Variants in IQSEC3 observed in about 807,000 individuals in gnomAD.
The protein encoded by IQSEC3 is IQ motif and Sec7 domain ArfGEF 3.
IQSEC3 carries 50 observed loss-of-function variants against 105.4 expected under a neutral mutation model. The observed-to-expected ratio is 0.47, with a 90% CI of 0.38 to 0.60. The LOEUF (loss-of-function observed/expected upper bound fraction) is 0.60, where lower values mean the gene tolerates loss of function less well. Ranked by LOEUF, IQSEC3 falls within the 20% of genes least tolerant of loss-of-function variation. The pLI is 0.00. For synonymous variants in IQSEC3, 708 were observed against 746.0 expected (o/e 0.95, Z 0.83); for missense variants, 1,415 against 1,630.0 (o/e 0.87, Z 2.27).
At chr12:71,776 G>C (rs1416309898) in intron 1 of IQSEC3, among the ~76,000 whole-genome samples, 2 of 152,278 alleles carry the variant, frequency 1.3e-5, no homozygotes. Context: ...CCTGGTTGCT[G>C]AGGTGGCATC....
intron 13 of IQSEC3, chr12:171,366 C>G (rs781858961): frequency 1.3e-6 from 2 of 1,556,774 alleles, no homozygotes; most frequent in African/African-American, 2.7e-5. Flanking sequence ...GCCACGAGCT[C>G]TTTCTCCCCT....
intron 2 of IQSEC3, among the ~76,000 whole-genome samples, chr12:117,791 C>T (rs571720399): frequency 3.1e-4 from 47 of 152,324 alleles, no homozygotes; most frequent in Admixed American, 1.3e-4. Flanking sequence ...TTACAGCCAG[C>T]GAGGTCAGGG....
chr12:165,538 G>C lies in IQSEC3; in HGVS notation c.2809+5G>C. ...TCCAGCTCTTTGAGAACGAGTGTAA[G>C]TCTTTGACAGCCAGTGTAAGTCTTT... On this transcript the variant is annotated splice_donor_5th_base_variant and intron_variant, in intron 10 of 13. Transcript: ENST00000538872. 6.2e-7 allele frequency: 1 copy of C among 1,612,028 alleles called. No homozygotes were observed. The highest frequency in any genetic ancestry group is 8.5e-7 in the Non-Finnish European group (1 of 1,178,074).
chr12:148,469 G>C (rs1376175160), intron 5 of IQSEC3: 13 of 152,142 alleles, frequency 8.5e-5, no homozygotes, highest in Admixed American at 8.5e-4. Context: ...AGTTCTTTGG[G>C]TACCTGAGTC....
intron 2 of IQSEC3, among the ~76,000 whole-genome samples, chr12:112,530 G>A (rs868927140): frequency 5.3e-5 from 8 of 152,292 alleles, no homozygotes; most frequent in South Asian, 2.1e-4. Context: ...GAGGGGAAGG[G>A]CAGACCCAGG....
intron 3 of IQSEC3, among the ~76,000 whole-genome samples, chr12:129,011 C>T (rs1216187632): frequency 1.3e-5 from 2 of 152,200 alleles, no homozygotes; most frequent in African/African-American, 4.8e-5. Flanking sequence ...GGCTTTGTTT[C>T]CTCTCCTGGG....
chr12:105,210 GTTCT>G (rs1436365571), intron 2 of IQSEC3, among the ~76,000 whole-genome samples: 1 of 152,278 alleles, frequency 6.6e-6, no homozygotes, highest in Non-Finnish European at 1.5e-5. Context: ...TAAAGGAAGT[GTTCT>G]TTGTCTCCTT....
intron 9 of IQSEC3, among the ~76,000 whole-genome samples, chr12:164,035 T>C (rs1867052527): frequency 6.6e-6 from 1 of 152,170 alleles, no homozygotes; most frequent in Non-Finnish European, 1.5e-5. Flanking sequence ...TGTGTGTGTG[T>C]GCGTGCACAC....
chr12:93,162 G>C (rs1196011327), intron 1 of IQSEC3, among the ~76,000 whole-genome samples: 13 of 152,276 alleles, frequency 8.5e-5, no homozygotes, highest in African/African-American at 2.2e-4. Flanking sequence ...GGACTTAAAT[G>C]AATGCACACA....
intron 5 of IQSEC3, among the ~76,000 whole-genome samples, chr12:153,756 A>C (rs1321210075): frequency 6.6e-6 from 1 of 152,084 alleles, no homozygotes; most frequent in East Asian, 1.9e-4. Flanking sequence ...CCCGATAGCC[A>C]GGTGGGGACA....
intron 3 of IQSEC3, chr12:137,743 CCT>C (rs1865825472): frequency 6.5e-6 from 1 of 153,498 alleles, no homozygotes; most frequent in Admixed American, 6.5e-5. Context: ...ATCTCCAACT[CCT>C]TGGGCTCAAG....
intron 13 of IQSEC3, among the ~76,000 whole-genome samples, chr12:173,111 G>A (rs923133211): frequency 2.0e-5 from 3 of 152,192 alleles, no homozygotes; most frequent in African/African-American, 7.2e-5. Context: ...AGCAGGAGGG[G>A]AGAGGAGCCC....
chr12:68,712 G>A (rs1184107729), intron 1 of IQSEC3, among the ~76,000 whole-genome samples: 1 of 152,242 alleles, frequency 6.6e-6, no homozygotes, highest in Non-Finnish European at 1.5e-5. Flanking sequence ...TCATCCAGGT[G>A]CATTAAGTCT....
intron 5 of IQSEC3, chr12:143,812 C>A: frequency 6.2e-6 from 1 of 161,474 alleles, no homozygotes; most frequent in Non-Finnish European, 1.3e-5. Context: ...GAGAATGGGG[C>A]CACGCTGGGC....
intron 1 of IQSEC3, among the ~76,000 whole-genome samples, chr12:85,364 G>A (rs78422247): frequency 9.2e-5 from 14 of 152,358 alleles, no homozygotes; most frequent in African/African-American, 2.9e-4. Flanking sequence ...GTAATACAGA[G>A]ATCTCTTGTG....
At chr12:125,486 C>T in intron 2 of IQSEC3, 147 bp from the exon 3 acceptor site, 1 of 798,662 alleles carries the variant, frequency 1.3e-6, no homozygotes, top group Admixed American at 3.7e-5. Context: ...GTAGCCCCTC[C>T]CTAGAGGAGA....
chr12:171,202 C>T (rs782775097), intron 13 of IQSEC3, 41 bp downstream of exon 13: 1 of 1,613,566 alleles, frequency 6.2e-7, no homozygotes, highest in Non-Finnish European at 8.5e-7. Context: ...GACTACCCTG[C>T]CCCCTTGTTC....
intron 2 of IQSEC3, among the ~76,000 whole-genome samples, chr12:109,125 A>G (rs1178333606): frequency 6.6e-6 from 1 of 152,242 alleles, no homozygotes; most frequent in African/African-American, 2.4e-5. Flanking sequence ...GGCATTTTCT[A>G]TCACCTGTAT....
At chr12:116,183 G>T (rs1865042132) in intron 2 of IQSEC3, among the ~76,000 whole-genome samples, 1 of 152,194 alleles carries the variant, frequency 6.6e-6, no homozygotes, top group Non-Finnish European at 1.5e-5. Flanking sequence ...AGGACCTTGA[G>T]GCACAGGAGT....
Sources: allele counts gnomAD v4.1 joint callset (sites outside exome capture counted in the v4.1 genomes callset), GRCh38; gene constraint gnomAD v4.1.1; transcripts MANE v1.5; gene names NCBI Gene and HGNC (gene_info 2026-07-23, HGNC 2026-07-21).